The following GALNT13 variants were observed in gnomAD, a reference collection of about 807,000 sequenced individuals.
GALNT13 encodes the protein UDP-GalNAc:polypeptide N-acetylgalactosaminyltransferase 13.
GALNT13 carries 28 observed loss-of-function variants against 64.2 expected under a neutral mutation model. That is an observed-to-expected ratio of 0.44 (90% CI 0.32 to 0.60). The LOEUF is 0.60. GALNT13 is among the 20% of genes least tolerant of loss of function. The pLI, the probability that GALNT13 is intolerant of heterozygous loss-of-function variation, is 0.05. For missense variants in GALNT13, 577 were observed against 669.8 expected, an observed-to-expected ratio of 0.86 and a Z score of 1.53; for synonymous variants, 214 against 224.6, an observed-to-expected ratio of 0.95 and a Z score of 0.42.
chr2:153,911,068 G>C (rs571167169), intron 2 of GALNT13, among the ~76,000 whole-genome samples: 1 of 152,260 alleles, frequency 6.6e-6, no homozygotes, highest in Non-Finnish European at 1.5e-5. Flanking sequence ...TTTCCTTGAA[G>C]GTCACTAAGA....
the GALNT13 span, among the ~76,000 whole-genome samples, chr2:153,181,421 C>T: frequency 2.0e-5 from 3 of 150,884 alleles, no homozygotes; most frequent in Non-Finnish European, 4.4e-5. Context: ...GGCTTGTGGC[C>T]TAACATAAGA....
chr2:153,736,858 C>A, the GALNT13 span, among the ~76,000 whole-genome samples: 4 of 152,172 alleles, frequency 2.6e-5, no homozygotes, highest in Non-Finnish European at 4.4e-5. Context: ...CCACCACCAC[C>A]CACCCCTGCC....
intron 9 of GALNT13, among the ~76,000 whole-genome samples, chr2:154,313,450 A>AT (rs1559085015): frequency 4.8e-4 from 67 of 138,926 alleles, no homozygotes; most frequent in African/African-American, 7.2e-4. Flanking sequence ...ACACACACAC[A>AT]ATATATATAT....
chr2:153,760,906 T>C, the GALNT13 span, among the ~76,000 whole-genome samples: 3 of 152,190 alleles, frequency 2.0e-5, no homozygotes, highest in African/African-American at 4.8e-5. Flanking sequence ...ATTTAGGTGT[T>C]CCAACGTTGG....
At chr2:154,054,685 G>C (rs1471666427) in intron 3 of GALNT13, among the ~76,000 whole-genome samples, 1 of 151,918 alleles carries the variant, frequency 6.6e-6, no homozygotes. Context: ...ACAGGAGGGA[G>C]GGTACTTCAT....
the GALNT13 span, among the ~76,000 whole-genome samples, chr2:153,277,542 T>C: frequency 1.3e-5 from 2 of 152,172 alleles, no homozygotes; most frequent in Admixed American, 6.5e-5. Flanking sequence ...GGTAGAGTAA[T>C]TTATTTACTT....
chr2:153,675,436 T>C, the GALNT13 span, among the ~76,000 whole-genome samples: 12 of 151,976 alleles, frequency 7.9e-5, no homozygotes, highest in Non-Finnish European at 1.5e-4. Context: ...CAGCAAACTA[T>C]CATAAGGACA....
intron 9 of GALNT13, among the ~76,000 whole-genome samples, chr2:154,346,352 C>G (rs1696065254): frequency 6.6e-6 from 1 of 152,024 alleles, no homozygotes; most frequent in Non-Finnish European, 1.5e-5. Context: ...GAACCTTCTT[C>G]CCATTTCTAA....
At chr2:154,251,185 A>C (rs145568316) in intron 7 of GALNT13, among the ~76,000 whole-genome samples, 39 of 152,218 alleles carry the variant, frequency 2.6e-4, no homozygotes, top group African/African-American at 8.9e-4. Context: ...TATATACTGA[A>C]TAATTTTGTC....
chr2:153,566,857 T>C, the GALNT13 span, among the ~76,000 whole-genome samples: 1 of 152,242 alleles, frequency 6.6e-6, no homozygotes, highest in Non-Finnish European at 1.5e-5. Flanking sequence ...TGAGTACTTT[T>C]TATGTTATGT....
intron 9 of GALNT13, among the ~76,000 whole-genome samples, chr2:154,314,070 G>C (rs1694201380): frequency 6.6e-6 from 1 of 152,172 alleles, no homozygotes. Context: ...TTTTTGGTCA[G>C]TAGTTGGCTG....
the GALNT13 span, among the ~76,000 whole-genome samples, chr2:153,581,487 A>AT: frequency 2.0e-5 from 3 of 152,086 alleles, no homozygotes; most frequent in Non-Finnish European, 2.9e-5. Context: ...CCTAATATAT[A>AT]TTTTTTTAAA....
chr2:154,371,733 G>C (rs799777), intron 9 of GALNT13, among the ~76,000 whole-genome samples: 47,066 of 150,360 alleles, frequency 0.31, 7,739 homozygotes, highest in African/African-American at 0.4. Flanking sequence ...ATCCTGAGTA[G>C]GGAAAGGTAG....
chr2:153,247,080 A>G, the GALNT13 span, among the ~76,000 whole-genome samples: 3 of 152,258 alleles, frequency 2.0e-5, no homozygotes, highest in African/African-American at 7.2e-5. Flanking sequence ...GGATCAATGC[A>G]ACAAGAGCTA....
intron 3 of GALNT13, among the ~76,000 whole-genome samples, chr2:153,989,720 A>G (rs1442171181): frequency 6.6e-6 from 1 of 152,082 alleles, no homozygotes; most frequent in Non-Finnish European, 1.5e-5. Context: ...ATACTACAGC[A>G]GTCAAATATG....
rs1695700951 is a variant in GALNT13, at chr2:154,340,511, TG to T, written c.1156+38923del. Among the ~76,000 whole-genome samples the T allele has an allele frequency of 2.0e-5, 3 of 152,172 alleles. No homozygotes were observed. In the South Asian group the frequency reaches 6.2e-4, roughly 32 times the overall value. Reference sequence around the variant, plus strand: ...ACTTCAATTTAATAAAATGTTTTTTTGATTCATTTCTTTATTATTCCGTGTG... The same window carrying T: ...ACTTCAATTTAATAAAATGTTTTTTTATTCATTTCTTTATTATTCCGTGTG... On this transcript the variant is annotated intron_variant, in intron 9 of 12. Transcript: ENST00000392825.
the GALNT13 span, among the ~76,000 whole-genome samples, chr2:153,531,411 C>T: frequency 6.6e-6 from 1 of 152,082 alleles, no homozygotes; most frequent in Non-Finnish European, 1.5e-5. Context: ...CCATTACAAG[C>T]TTTATTGGGA....
intron 9 of GALNT13, among the ~76,000 whole-genome samples, chr2:154,353,421 T>G (rs1026658234): frequency 6.6e-6 from 1 of 152,170 alleles, no homozygotes; most frequent in African/African-American, 2.4e-5. Flanking sequence ...TACGTGTGTG[T>G]GGTGTGACAG....
At chr2:153,356,577 A>T in the GALNT13 span, 1 of 152,154 alleles carries the variant, frequency 6.6e-6, no homozygotes, top group Non-Finnish European at 1.5e-5. Flanking sequence ...CAAATGTACT[A>T]ACATTCTAAA....
Sources: allele counts gnomAD v4.1 joint callset (sites outside exome capture counted in the v4.1 genomes callset), GRCh38; gene constraint gnomAD v4.1.1; transcripts MANE v1.5; gene names NCBI Gene and HGNC (gene_info 2026-07-23, HGNC 2026-07-21).